Variants in SGCD observed in about 807,000 individuals in gnomAD.
SGCD encodes sarcoglycan delta.
In SGCD, 18 loss-of-function variants were observed where a neutral mutation model predicts 36.6. The observed-to-expected ratio is 0.49, with a 90% confidence interval of 0.34 to 0.73. SGCD has a LOEUF of 0.73. Ranked by LOEUF, SGCD falls within the 30% of genes least tolerant of loss-of-function variation. The pLI, the probability that SGCD is intolerant of heterozygous loss-of-function variation, is 0.01. For missense variants in SGCD, 387 were observed against 346.7 expected (o/e 1.12, Z -0.92); for synonymous variants, 133 against 130.6 (o/e 1.02, Z -0.12).
intron 3 of SGCD, among the ~76,000 whole-genome samples, chr5:156,172,219 G>A (rs1403762909): frequency 6.6e-6 from 1 of 152,206 alleles, no homozygotes; most frequent in Non-Finnish European, 1.5e-5. Context: ...GGAGGCAGAG[G>A]TTGCAGTGAG....
chr5:156,142,864 G>T (rs1762611493), intron 3 of SGCD, among the ~76,000 whole-genome samples: 1 of 152,174 alleles, frequency 6.6e-6, no homozygotes. Flanking sequence ...AAAATTTGCA[G>T]CCTGACCCTG....
chr5:156,091,078 C>T (rs1349367187), intron 1 of SGCD, among the ~76,000 whole-genome samples: 1 of 152,152 alleles, frequency 6.6e-6, no homozygotes, highest in Non-Finnish European at 1.5e-5. Context: ...CCTGAGGTGA[C>T]ATACATCCTC....
chr5:156,607,199 T>C (rs1761507882), intron 6 of SGCD, among the ~76,000 whole-genome samples: 2 of 152,334 alleles, frequency 1.3e-5, no homozygotes, highest in African/African-American at 2.4e-5. Flanking sequence ...AGATAGCTCT[T>C]ATTATTTTGA....
At position 156,063,516 on chromosome 5, in the gene SGCD, A is replaced by C. The variant is rs1258529555; in HGVS notation, c.-281-54362A>C. 2.2e-3 allele frequency among the ~76,000 whole-genome samples: 277 copies of C among 128,286 alleles called. 42 individuals carry two copies. The highest frequency in any genetic ancestry group is 7.8e-3 in the African/African-American group (230 of 29,308). 84.2% of individuals were successfully genotyped at this position (128,286 alleles called of 152,430 possible). Reference sequence around the variant, plus strand: ...GGGGATGGCGTTGAATCTGTAAATTACCTTGGGCAGTATGGCCATTTTCAC... The same window carrying C: ...GGGGATGGCGTTGAATCTGTAAATTCCCTTGGGCAGTATGGCCATTTTCAC... On this transcript the variant is annotated intron_variant, in intron 1 of 9. Transcript: ENST00000517913.
intron 3 of SGCD, among the ~76,000 whole-genome samples, chr5:156,136,654 C>T (rs1263555945): frequency 6.6e-6 from 1 of 152,030 alleles, no homozygotes; most frequent in Non-Finnish European, 1.5e-5. Flanking sequence ...GACGAAGATT[C>T]CATATAAGGA....
chr5:156,653,738 A>G (rs281040), intron 7 of SGCD, among the ~76,000 whole-genome samples: 118,216 of 151,808 alleles, frequency 0.78, 47,005 homozygotes, highest in South Asian at 0.89. Flanking sequence ...ATTGATTGCT[A>G]TTGACCTTGG....
chr5:156,381,808 A>G (rs550389307), intron 3 of SGCD, among the ~76,000 whole-genome samples: 2 of 152,284 alleles, frequency 1.3e-5, no homozygotes, highest in South Asian at 2.1e-4. Flanking sequence ...GCTGGGGTTC[A>G]GCTCCAACAT....
intron 1 of SGCD, among the ~76,000 whole-genome samples, chr5:155,951,169 T>A (rs187308579): frequency 1.5e-4 from 23 of 152,224 alleles, no homozygotes; most frequent in African/African-American, 5.3e-4. Flanking sequence ...GCACCATAAA[T>A]TTTTTCTCAC....
intron 1 of SGCD, among the ~76,000 whole-genome samples, chr5:155,961,658 G>A (rs554463670): frequency 1.3e-5 from 2 of 152,188 alleles, no homozygotes; most frequent in South Asian, 4.1e-4. Context: ...TTAAGAGCCA[G>A]AGTTATCAGC....
chr5:156,314,859 A>G (rs983211745), intron 3 of SGCD, among the ~76,000 whole-genome samples: 2 of 151,976 alleles, frequency 1.3e-5, no homozygotes, highest in Admixed American at 6.6e-5. Flanking sequence ...TTTATAATTC[A>G]TATTAGTAAG....
At chr5:156,210,691 A>C (rs377149370) in intron 3 of SGCD, among the ~76,000 whole-genome samples, 28 of 152,162 alleles carry the variant, frequency 1.8e-4, no homozygotes, top group Middle Eastern at 6.8e-3. Context: ...CAATGAAGAG[A>C]TTTAGAAGCA....
upstream of SGCD, among the ~76,000 whole-genome samples, chr5:156,322,912 C>T (rs554575001): frequency 2.6e-4 from 39 of 152,240 alleles, no homozygotes; most frequent in Admixed American, 3.9e-4. Flanking sequence ...GATCCTGTAA[C>T]TTAGTAATCT....
chr5:155,810,702 A>G, the SGCD span, among the ~76,000 whole-genome samples: 2 of 150,350 alleles, frequency 1.3e-5, no homozygotes, highest in Non-Finnish European at 1.5e-5. Context: ...AAACTTTTGC[A>G]GTTAAGAGTA....
chr5:155,851,371 C>T, the SGCD span, among the ~76,000 whole-genome samples: 2,819 of 152,118 alleles, frequency 0.019, 93 homozygotes, highest in African/African-American at 0.063. Flanking sequence ...GGGGATAAAG[C>T]GAAGGCACTT....
intron 6 of SGCD, among the ~76,000 whole-genome samples, chr5:156,601,499 A>G (rs1210078811): frequency 6.6e-6 from 1 of 152,138 alleles, no homozygotes; most frequent in Non-Finnish European, 1.5e-5. Context: ...GTATGTGTCT[A>G]CTTTTATGCC....
At chr5:155,912,462 G>T (rs921071430) in intron 1 of SGCD, among the ~76,000 whole-genome samples, 10 of 152,082 alleles carry the variant, frequency 6.6e-5, no homozygotes, top group African/African-American at 2.4e-4. Flanking sequence ...AACACCTTGG[G>T]TTCTGTCCAA....
chr5:156,007,692 G>T (rs1389309648), intron 1 of SGCD, among the ~76,000 whole-genome samples: 2 of 152,200 alleles, frequency 1.3e-5, no homozygotes, highest in Non-Finnish European at 2.9e-5. Context: ...TAAGCCAGTA[G>T]GTGGGGGATG....
At chr5:156,737,421 C>T (rs1466076689) in intron 7 of SGCD, among the ~76,000 whole-genome samples, 5 of 152,166 alleles carry the variant, frequency 3.3e-5, no homozygotes, top group Non-Finnish European at 5.9e-5. Flanking sequence ...TTTTATTTAG[C>T]ACATTGCCTA....
chr5:155,984,417 G>T (rs779062421), intron 1 of SGCD, among the ~76,000 whole-genome samples: 1 of 152,194 alleles, frequency 6.6e-6, no homozygotes, highest in Non-Finnish European at 1.5e-5. Context: ...AAATTATAAA[G>T]CTAATAGCCC....
Sources: allele counts gnomAD v4.1 joint callset (sites outside exome capture counted in the v4.1 genomes callset), GRCh38; gene constraint gnomAD v4.1.1; transcripts MANE v1.5; gene names NCBI Gene and HGNC (gene_info 2026-07-23, HGNC 2026-07-21).